The following TMEM164 variants were observed in gnomAD, a reference collection of about 807,000 sequenced individuals.
TMEM164 encodes transmembrane protein 164.
Under a neutral mutation model 18.8 loss-of-function variants are expected in TMEM164, and 4 were observed. The ratio of observed to expected loss-of-function variants is 0.21; its 90% CI spans 0.10 to 0.49. The LOEUF (loss-of-function observed/expected upper bound fraction) is 0.49, where lower values mean the gene tolerates loss of function less well. Among genes scored for constraint, TMEM164 ranks in the 20% least tolerant of loss-of-function variants. The pLI is 0.98. For missense variants in TMEM164, 108 were observed against 239.9 expected, an observed-to-expected ratio of 0.45 and a Z score of 3.63; for synonymous variants, 86 against 101.7, an observed-to-expected ratio of 0.85 and a Z score of 0.93.
rs1429827664 is a variant in TMEM164, at chrX:110,147,720, T to TCAG, written c.586+2844_586+2845insCAG. ...TCCATTATAATTTGAGCCAACATCC[T>TCAG]GAGAGACTTCTTGTAAGGACCACCC... On this transcript the variant is annotated intron_variant, in intron 5 of 6. Coordinates refer to ENST00000372068, the MANE Select transcript of TMEM164 (RefSeq NM_032227.4). Among the ~76,000 whole-genome samples the TCAG allele has an allele frequency of 9.0e-5, 10 of 111,112 alleles. No homozygotes were observed. In the East Asian group the frequency reaches 1.7e-3, roughly 19 times the overall value.
chrX:110,164,799 C>T lies in TMEM164; in HGVS notation c.587-6621C>T, dbSNP rs894138768. On this transcript the variant is annotated intron_variant, in intron 5 of 6. Coordinates refer to ENST00000372068, the MANE Select transcript of TMEM164 (RefSeq NM_032227.4). The stretch of plus-strand genomic sequence containing the variant: ...AGGGAGGGCCACTCGTCTAGGACTA[C>T]AATGAAAAGAAAGAAGTTATTCACT... 1.2e-4 allele frequency among the ~76,000 whole-genome samples: 13 copies of T among 110,803 alleles called. No individual in the cohort carries two copies. In the East Asian group the frequency reaches 2.0e-3, roughly 17 times the overall value.
intron 4 of TMEM164, among the ~76,000 whole-genome samples, chrX:110,143,804 G>T (rs753693726): frequency 5.8e-5 from 6 of 103,075 alleles, no homozygotes; most frequent in Admixed American, 2.1e-4. Context: ...CATACTTTGG[G>T]GTGTGTGTGT....
chrX:110,142,980 C>T (rs2148057845), intron 4 of TMEM164, among the ~76,000 whole-genome samples: 1 of 112,543 alleles, frequency 8.9e-6, no homozygotes, highest in African/African-American at 3.2e-5. Context: ...CTTGAGGACA[C>T]ACCTGGGACT....
rs188772504 is a variant in TMEM164 at position 110,082,781 on chromosome X, C to A, written c.440+15385C>A. On this transcript the variant is annotated intron_variant, in intron 3 of 6. Transcript: ENST00000372068. ...TGGCTTCTCTTTTCTTTTTCCCTTG[C>A]CTTTTGTGTCAGTTTTTTTTTCTTT... is the stretch of plus-strand genomic sequence containing the variant. Among the ~76,000 whole-genome samples the A allele has an allele frequency of 2.6e-3, 291 of 110,597 alleles. 2 individuals are homozygous for A. The highest frequency in any genetic ancestry group is 0.023 in the East Asian group (81 of 3,504).
chrX:110,052,942 G>A lies in TMEM164; in HGVS notation c.391-14405G>A, dbSNP rs111831230. ...ATTTTTTTGTATTTTTAGTAGAGAC[G>A]GGGTTTCACCATGTTGGCCAGGATG... On this transcript the variant is annotated intron_variant, in intron 2 of 6. Transcript: ENST00000372068. Among the ~76,000 whole-genome samples the A allele has an allele frequency of 1.1e-3, 126 of 109,568 alleles. 1 individual carries two copies. Among genetic ancestry groups the A allele is most frequent in the African/African-American group, 3.7e-3 (111 of 30,102 alleles).
intron 2 of TMEM164, among the ~76,000 whole-genome samples, chrX:110,029,555 T>A (rs1239146379): frequency 8.9e-6 from 1 of 112,151 alleles, no homozygotes; most frequent in East Asian, 2.8e-4. Flanking sequence ...AAAAATAAAG[T>A]CTATAGAAGA....
At chrX:110,163,402 A>C (rs1367478188) in intron 5 of TMEM164, among the ~76,000 whole-genome samples, 1 of 112,353 alleles carries the variant, frequency 8.9e-6, no homozygotes, top group Non-Finnish European at 1.9e-5. Context: ...AATCAATATA[A>C]AAATTATTAC....
intron 6 of TMEM164, 61 bp downstream of exon 6, chrX:110,171,581 A>T (rs1321875130): frequency 1.1e-6 from 1 of 950,371 alleles, no homozygotes; most frequent in Non-Finnish European, 1.5e-6. Context: ...AATCTTGGTA[A>T]TCCTGGTTGG....
chrX:110,081,096 A>G (rs1047007732), intron 3 of TMEM164, among the ~76,000 whole-genome samples: 9 of 110,456 alleles, frequency 8.1e-5, no homozygotes, highest in Non-Finnish European at 1.7e-4. Context: ...ATGTTGAGTT[A>G]AAAATCAGTA....
At chrX:110,099,427 A>C in intron 3 of TMEM164, among the ~76,000 whole-genome samples, 1 of 111,309 alleles carries the variant, frequency 9.0e-6, no homozygotes, top group East Asian at 2.8e-4. Context: ...CTTAGCTTTT[A>C]TATAAGTTGT....
chrX:110,090,775 T>G (rs1389975590), intron 3 of TMEM164, among the ~76,000 whole-genome samples: 2 of 111,434 alleles, frequency 1.8e-5, no homozygotes, highest in East Asian at 5.6e-4. Flanking sequence ...TTGTTACATA[T>G]GTATACATGT....
At chrX:110,082,258 T>C (rs5942887) in intron 3 of TMEM164, 53,274 of 112,526 alleles carry the variant, frequency 0.47, 10,311 homozygotes, top group Non-Finnish European at 0.62. Context: ...AGCCTGGCAG[T>C]CTTCTGCCTC....
At chrX:110,166,123 C>T (rs1392898497) in intron 5 of TMEM164, among the ~76,000 whole-genome samples, 30 of 111,506 alleles carry the variant, frequency 2.7e-4, no homozygotes, top group Middle Eastern at 4.2e-3. Flanking sequence ...TTTCCAGTAA[C>T]GCAGAACTCC....
intron 2 of TMEM164, among the ~76,000 whole-genome samples, chrX:110,064,536 C>T (rs1936245897): frequency 9.0e-6 from 1 of 111,630 alleles, no homozygotes; most frequent in South Asian, 3.7e-4. Flanking sequence ...TGAGAAGTTG[C>T]TAAAGGAGGC....
chrX:110,124,606 G>A (rs2066504211), intron 4 of TMEM164, among the ~76,000 whole-genome samples: 1 of 111,731 alleles, frequency 9.0e-6, no homozygotes, highest in Admixed American at 9.5e-5. Context: ...ACGCAGGAAA[G>A]GAGTTTGGGG....
intron 5 of TMEM164, among the ~76,000 whole-genome samples, chrX:110,148,953 C>A (rs1178698211): frequency 9.0e-6 from 1 of 111,188 alleles, no homozygotes; most frequent in African/African-American, 3.3e-5. Flanking sequence ...CCCTTCACAC[C>A]TAAGCATCCT....
At chrX:110,132,650 G>T (rs1451813885) in intron 4 of TMEM164, among the ~76,000 whole-genome samples, 1 of 111,680 alleles carries the variant, frequency 9.0e-6, no homozygotes, top group Non-Finnish European at 1.9e-5. Context: ...ATATTAGTAT[G>T]ATTCATTCCT....
At chrX:110,118,748 G>A (rs944652553) in intron 4 of TMEM164, among the ~76,000 whole-genome samples, 108 of 111,004 alleles carry the variant, frequency 9.7e-4, no homozygotes, top group African/African-American at 3.3e-3. Context: ...AAAGTCCGAA[G>A]AACCAAGCAG....
chrX:110,161,151 G>C, intron 5 of TMEM164, among the ~76,000 whole-genome samples: 1 of 112,289 alleles, frequency 8.9e-6, no homozygotes, highest in Non-Finnish European at 1.9e-5. Flanking sequence ...TGGAGGATGA[G>C]GATTGGACCT....
Sources: gnomAD v4.1 joint callset for allele counts (sites outside exome capture counted in the v4.1 genomes callset) on GRCh38, gnomAD v4.1.1 for gene constraint, MANE v1.5 for transcripts, NCBI Gene and HGNC (gene_info 2026-07-23, HGNC 2026-07-21) for gene names.